FNDC3B: variants seen among roughly 807,000 people sequenced by gnomAD.
The protein encoded by FNDC3B is fibronectin type III domain containing 3B, also known as fibronectin type III domain-containing protein 3B.
In FNDC3B, 12 loss-of-function variants were observed where a neutral mutation model predicts 151.5. The observed-to-expected ratio is 0.08, with a 90% CI of 0.05 to 0.13. The LOEUF (loss-of-function observed/expected upper bound fraction) is 0.13. Among genes scored for constraint, FNDC3B ranks in the 10% least tolerant of loss-of-function variants. FNDC3B has a pLI of 1.00. For missense variants in FNDC3B, 1,214 were observed against 1,505.3 expected (o/e 0.81, Z 3.20); for synonymous variants, 528 against 549.0 (o/e 0.96, Z 0.54).
chr3:172,167,727 C>G (rs776216742), intron 3 of FNDC3B, among the ~76,000 whole-genome samples: 63 of 152,212 alleles, frequency 4.1e-4, no homozygotes, highest in Non-Finnish European at 7.5e-4. Context: ...GCATTACCAC[C>G]TGAGCTCTGC....
chr3:172,330,509 C>T, intron 12 of FNDC3B, 32 bp from the exon 13 acceptor site: 1 of 1,587,326 alleles, frequency 6.3e-7, no homozygotes, highest in Non-Finnish European at 8.6e-7. Context: ...TCACATGCTT[C>T]TAACTGTGTG....
chr3:172,218,778 T>C (rs1726125236), intron 3 of FNDC3B, among the ~76,000 whole-genome samples: 1 of 152,212 alleles, frequency 6.6e-6, no homozygotes, highest in Admixed American at 6.5e-5. Context: ...TCAAGCCTCT[T>C]TAGCGCCTTC....
intron 4 of FNDC3B, among the ~76,000 whole-genome samples, chr3:172,230,856 T>A (rs1051984194): frequency 2.0e-5 from 3 of 152,246 alleles, no homozygotes; most frequent in Non-Finnish European, 4.4e-5. Context: ...ACACTGTATG[T>A]GTTAATGTAA....
intron 4 of FNDC3B, among the ~76,000 whole-genome samples, chr3:172,236,835 C>A (rs928226704): frequency 6.6e-6 from 1 of 152,210 alleles, no homozygotes; most frequent in African/African-American, 2.4e-5. Context: ...ACATAATTCA[C>A]TGAAGTAGTT....
At position 172,177,711 on chromosome 3, in the gene FNDC3B, A is replaced by G. The variant is rs970630137; in HGVS notation, c.187+44165A>G. Among the ~76,000 whole-genome samples, 15 of 143,038 alleles carry G rather than the reference A, an allele frequency of 1.0e-4. No individual in the cohort carries two copies. In the Admixed American group the frequency reaches 1.1e-3, roughly 10 times the overall value. The allele number at this position is 143,038 out of a possible 152,430, so 93.8% of individuals were successfully genotyped here. A position where few individuals can be genotyped will look rare whatever the true frequency, so the allele number is the denominator to read the frequency against. On this transcript the variant is annotated intron_variant, in intron 3 of 25. Coordinates refer to ENST00000415807, the MANE Select transcript of FNDC3B (RefSeq NM_022763.4). Reference sequence around the variant, plus strand: ...TTTTCTTTTATAAAATTTTACTTTAAGTTCCAGGATACATGTGCAGAACGT... The same window carrying G: ...TTTTCTTTTATAAAATTTTACTTTAGGTTCCAGGATACATGTGCAGAACGT...
rs552859560 is a variant in FNDC3B at position 172,293,867 on chromosome 3, A to G, written c.850-1496A>G. Among the ~76,000 whole-genome samples the G allele has an allele frequency of 1.1e-4, 17 of 152,340 alleles. No individual in the cohort carries two copies. In the East Asian group the frequency reaches 2.1e-3, roughly 19 times the overall value. ...GTATTTCAAGTATTTAATAATTCCA[A>G]TAATCTTTATGTAGATCCTATAGTG... On this transcript the variant is annotated intron_variant, in intron 7 of 25. Transcript: ENST00000415807.
chr3:172,251,631 T>TC, intron 6 of FNDC3B, 90 bp downstream of exon 6: 2 of 1,236,148 alleles, frequency 1.6e-6, no homozygotes, highest in Non-Finnish European at 2.2e-6. Flanking sequence ...AGAATATTAT[T>TC]TCATGGTGGT....
chr3:172,311,976 A>G (rs1476690621), intron 11 of FNDC3B, among the ~76,000 whole-genome samples: 1 of 152,200 alleles, frequency 6.6e-6, no homozygotes, highest in Non-Finnish European at 1.5e-5. Flanking sequence ...CTGGTTGAGA[A>G]ATTGGCTAAG....
At chr3:172,134,665 T>A (rs2108575505) in intron 3 of FNDC3B, among the ~76,000 whole-genome samples, 1 of 152,262 alleles carries the variant, frequency 6.6e-6, no homozygotes, top group Non-Finnish European at 1.5e-5. Context: ...TAGAAAATAT[T>A]TCTTGAGAAA....
intron 7 of FNDC3B, among the ~76,000 whole-genome samples, chr3:172,292,150 A>G (rs1730374075): frequency 6.6e-6 from 1 of 152,200 alleles, no homozygotes; most frequent in Non-Finnish European, 1.5e-5. Context: ...ACCTCGGGCC[A>G]AGAGTCAGTG....
intron 1 of FNDC3B, among the ~76,000 whole-genome samples, chr3:172,082,855 G>A (rs764676073): frequency 6.6e-6 from 1 of 152,188 alleles, no homozygotes; most frequent in African/African-American, 2.4e-5. Context: ...TCCAGATGTA[G>A]CTCTCTACTC....
chr3:172,222,682 A>G (rs752501130), intron 3 of FNDC3B, among the ~76,000 whole-genome samples: 3 of 152,136 alleles, frequency 2.0e-5, no homozygotes, highest in Non-Finnish European at 4.4e-5. Context: ...TTAGGAATCT[A>G]ATGCCGCTGC....
chr3:172,188,048 T>A (rs1576778531), intron 3 of FNDC3B, among the ~76,000 whole-genome samples: 1 of 148,912 alleles, frequency 6.7e-6, no homozygotes, highest in African/African-American at 2.5e-5. Flanking sequence ...CAGGCTGGAG[T>A]GCAATGGCGC....
intron 3 of FNDC3B, among the ~76,000 whole-genome samples, chr3:172,147,693 C>T (rs1026008040): frequency 2.0e-5 from 3 of 151,956 alleles, no homozygotes; most frequent in South Asian, 2.1e-4. Context: ...GTGGGTGGGG[C>T]CAGAAAATTT....
chr3:172,355,516 AG>A (rs35691130), intron 22 of FNDC3B, among the ~76,000 whole-genome samples: 65,093 of 151,116 alleles, frequency 0.43, 14,496 homozygotes, highest in East Asian at 0.72. Flanking sequence ...TAGAAAATCT[AG>A]GGGGGGGGCC....
intron 12 of FNDC3B, chr3:172,329,308 T>G (rs1274666139): frequency 7.1e-6 from 3 of 421,116 alleles, no homozygotes; most frequent in African/African-American, 2.0e-5. Flanking sequence ...TAGGGGTCTC[T>G]AAGAACCAAG....
intron 6 of FNDC3B, among the ~76,000 whole-genome samples, chr3:172,253,881 AC>A (rs1293948962): frequency 6.6e-6 from 1 of 151,492 alleles, no homozygotes; most frequent in Non-Finnish European, 1.5e-5. Context: ...CCAGGTTCAA[AC>A]CATTCTCCTG....
intron 11 of FNDC3B, among the ~76,000 whole-genome samples, chr3:172,327,597 G>A (rs1732423440): frequency 6.6e-6 from 1 of 152,180 alleles, no homozygotes; most frequent in Non-Finnish European, 1.5e-5. Flanking sequence ...GTACAGATGT[G>A]GTTTCACTGT....
rs75471671 is a variant in FNDC3B at position 172,084,177 on chromosome 3, C to T, written c.-28-28275C>T. On this transcript the variant is annotated intron_variant, in intron 1 of 25. Transcript: ENST00000415807. ...TTACAAAGTATTCTGGGCTGGGTGC[C>T]GTGGCTCACGTCTTTAATCCCAGTA... Among the ~76,000 whole-genome samples the T allele has an allele frequency of 1.3e-3, 196 of 152,016 alleles. No homozygotes were observed. In the Middle Eastern group the frequency reaches 0.017, roughly 13 times the overall value.
Sources: allele counts gnomAD v4.1 joint callset (sites outside exome capture counted in the v4.1 genomes callset), GRCh38; gene constraint gnomAD v4.1.1; transcripts MANE v1.5; gene names NCBI Gene and HGNC (gene_info 2026-07-23, HGNC 2026-07-21).